EXD3: variants seen among roughly 807,000 people sequenced by gnomAD.
The protein encoded by EXD3 is exonuclease mut-7 homolog.
In EXD3, 92 loss-of-function variants were observed where a neutral mutation model predicts 98.0. That is an observed-to-expected ratio of 0.94 (90% CI 0.79 to 1.12). The LOEUF is 1.12. Among genes scored for constraint, EXD3 ranks in the 50% most tolerant of loss-of-function variants. The pLI, the probability that EXD3 is intolerant of heterozygous loss-of-function variation, is 0.00. For synonymous variants in EXD3, 569 were observed against 526.0 expected (o/e 1.08, Z -1.12); for missense variants, 1,222 against 1,191.6 (o/e 1.03, Z -0.38).
intron 1 of EXD3, among the ~76,000 whole-genome samples, chr9:137,408,588 G>A (rs1837851017): frequency 7.2e-6 from 1 of 139,328 alleles, no homozygotes; most frequent in African/African-American, 2.7e-5. Context: ...GGAGACAGCA[G>A]CCCCTACGGC....
At chr9:137,416,560 C>A (rs970722100) in intron 1 of EXD3, among the ~76,000 whole-genome samples, 1 of 152,068 alleles carries the variant, frequency 6.6e-6, no homozygotes, top group Non-Finnish European at 1.5e-5. Context: ...TCCGGACCCT[C>A]GTCAGCCCGG....
chr9:137,350,243 A>G (rs11516121), intron 14 of EXD3, among the ~76,000 whole-genome samples: 129 of 10,300 alleles, frequency 0.013, no homozygotes, highest in African/African-American at 0.022. Flanking sequence ...ATAGAGAGGG[A>G]TGGGGATCAC....
At chr9:137,311,661 T>G (rs112434079) in intron 19 of EXD3, among the ~76,000 whole-genome samples, 56 of 152,226 alleles carry the variant, frequency 3.7e-4, no homozygotes, top group African/African-American at 1.2e-3. Flanking sequence ...GGCCTTGCTG[T>G]CACCCACAAG....
In EXD3 at chr9:137,356,279, C is replaced by A; in HGVS notation, c.746G>T (p.Gly249Val). The change falls in exon 8 of 22, where the codon GGC (glycine) becomes GTC (valine). Residue 249 changes from glycine (G) to valine (V), a missense_variant. Gly to Val is a moderately radical substitution (Grantham distance 109). Coordinates refer to ENST00000340951, the MANE Select transcript of EXD3 (RefSeq NM_017820.5). ...GGGGCTGGACTCACCTGGGGCTACG[C>A]CGTACCGCTCCTGCAGACGCAAGAC... ...RQVLRLQERY[G>V]VAPALCPNAA... The A allele has an allele frequency of 6.2e-7, 1 of 1,600,242 alleles. No individual in the cohort carries two copies. The highest frequency in any genetic ancestry group is 1.1e-5 in the South Asian group (1 of 88,856).
Position 137,395,525 on chromosome 9 carries a change from A to C in EXD3, c.-47-121T>G. ...TGGTGCCTGGGGGGGCCCAAGTGGGACCCCCAGTCGCTGAGCATAGCGGGC... is the reference window on the plus strand; with the variant it reads ...TGGTGCCTGGGGGGGCCCAAGTGGGCCCCCCAGTCGCTGAGCATAGCGGGC... On this transcript the variant is annotated intron_variant, in intron 1 of 21. Coordinates refer to ENST00000340951, the MANE Select transcript of EXD3 (RefSeq NM_017820.5). This position sits in a 1 kb window ranked among gnomAD's most constrained non-coding sequence, Gnocchi z 6.5. The C allele has an allele frequency of 1.1e-6, 1 of 887,008 alleles. No homozygotes were observed. The highest frequency in any genetic ancestry group is 1.7e-6 in the Non-Finnish European group (1 of 582,314). 54.9% of individuals were successfully genotyped at this position (887,008 alleles called of 1,614,324 possible).
intron 1 of EXD3, among the ~76,000 whole-genome samples, chr9:137,408,525 C>A (rs1326510342): frequency 2.0e-5 from 2 of 100,360 alleles, no homozygotes; most frequent in Non-Finnish European, 3.9e-5. Flanking sequence ...CCAGCCTGGG[C>A]GATAGAGTGA....
rs1178049420 is a variant in EXD3 at position 137,405,657 on chromosome 9, T to C, written c.-47-10253A>G. ...CCACCATTTCTCTCTATTGTTGGTTTCCTCCCTGGATCTTCTGCTGAAAGC... is the reference window on the plus strand; with the variant it reads ...CCACCATTTCTCTCTATTGTTGGTTCCCTCCCTGGATCTTCTGCTGAAAGC... On this transcript the variant is annotated intron_variant, in intron 1 of 21. Coordinates refer to ENST00000340951, the MANE Select transcript of EXD3 (RefSeq NM_017820.5). This position sits in a 1 kb window ranked among gnomAD's most constrained non-coding sequence, Gnocchi z 4.1. Among the ~76,000 whole-genome samples, 1 of 152,242 alleles carries C rather than the reference T, an allele frequency of 6.6e-6. No individual in the cohort carries two copies. The highest frequency in any genetic ancestry group is 1.5e-5 in the Non-Finnish European group (1 of 68,048).
At chr9:137,318,437 C>G (rs1194461019) in intron 19 of EXD3, among the ~76,000 whole-genome samples, 3 of 152,118 alleles carry the variant, frequency 2.0e-5, no homozygotes, top group Non-Finnish European at 4.4e-5. Context: ...TGTTTCAGGA[C>G]GTGTCCCCGT....
chr9:137,355,583 A>G (rs1834662560), intron 8 of EXD3, among the ~76,000 whole-genome samples: 1 of 64,688 alleles, frequency 1.5e-5, no homozygotes, highest in African/African-American at 7.6e-5. Context: ...AGGAAGGAGG[A>G]AGGAGAAAGG....
chr9:137,307,181 C>T lies in EXD3; in HGVS notation c.2400G>A (p.Glu800=). The change falls in exon 22 of 22, where the codon GAG becomes GAA. Residue 800 remains glutamate (E), a synonymous_variant. Coordinates refer to ENST00000340951, the MANE Select transcript of EXD3 (RefSeq NM_017820.5). ...TGCCGTCGGCCAGCATGTCCGGTGT[C>T]TCCGCCCGCAGGTCAGCCATCTGCA... ...RWLQMADLRA[E]TPDMLADGTR... is the part of the protein sequence containing the mutation. 22 of 1,585,748 alleles carry T rather than the reference C, an allele frequency of 1.4e-5. No homozygotes were observed. The highest frequency in any genetic ancestry group is 1.9e-5 in the Non-Finnish European group (22 of 1,167,392).
chr9:137,307,001 G>T lies in EXD3; in HGVS notation c.2580C>A (p.Pro860=). 6.2e-7 allele frequency: 1 copy of T among 1,610,430 alleles called. No homozygotes were observed. Among genetic ancestry groups the T allele is most frequent in the Non-Finnish European group, 8.5e-7 (1 of 1,178,568 alleles). Residue 860 remains proline, a synonymous_variant, in exon 22 of 22, where the codon CCC becomes CCA. Coordinates refer to ENST00000340951, the MANE Select transcript of EXD3 (RefSeq NM_017820.5). ...THFRDMLESA[P]SPCEPSPAPS... is the part of the protein sequence containing the mutation. ...GGGCTGGGCTCGGCTCGCAGGGGCTGGGGGCGCTCTCCAGCATGTCTCGGA... is the reference window on the plus strand; with the variant it reads ...GGGCTGGGCTCGGCTCGCAGGGGCTTGGGGCGCTCTCCAGCATGTCTCGGA...
intron 19 of EXD3, among the ~76,000 whole-genome samples, chr9:137,321,152 C>T (rs1018310193): frequency 2.4e-4 from 36 of 152,272 alleles, no homozygotes; most frequent in African/African-American, 8.2e-4. Context: ...AGCTTTCCCT[C>T]TTTCCTTCCT....
In EXD3 at chr9:137,356,371, G is replaced by T; in HGVS notation, c.657-3C>A. ...AGGAGGTCACCTCAGGGTACCGTCT[G>T]TGGGGAGAGAGAGGCACAGCCTCTG... On this transcript the variant is annotated splice_polypyrimidine_tract_variant and splice_region_variant and intron_variant, in intron 7 of 21. Transcript: ENST00000340951. 3.8e-6 allele frequency: 6 copies of T among 1,573,504 alleles called. No homozygotes were observed. The highest frequency in any genetic ancestry group is 1.1e-5 in the South Asian group (1 of 87,080).
At chr9:137,389,259 T>C (rs1189878622) in intron 2 of EXD3, among the ~76,000 whole-genome samples, 1 of 151,414 alleles carries the variant, frequency 6.6e-6, no homozygotes, top group Non-Finnish European at 1.5e-5. Flanking sequence ...GCCCTCCACC[T>C]CGGCTCGCCG....
chr9:137,312,135 G>A (rs1040610055), intron 19 of EXD3, among the ~76,000 whole-genome samples: 1 of 152,184 alleles, frequency 6.6e-6, no homozygotes, highest in Non-Finnish European at 1.5e-5. Flanking sequence ...CGTCGGGTCT[G>A]GGCAGAGACA....
chr9:137,420,907 T>C (rs1185175229), intron 1 of EXD3, among the ~76,000 whole-genome samples: 1 of 152,172 alleles, frequency 6.6e-6, no homozygotes, highest in African/African-American at 2.4e-5. Context: ...CTCAATCTCC[T>C]GGACTCAAGC....
chr9:137,419,311 C>T (rs1473189802), intron 1 of EXD3, among the ~76,000 whole-genome samples: 1 of 152,232 alleles, frequency 6.6e-6, no homozygotes, highest in African/African-American at 2.4e-5. Context: ...CGCGTCTTCA[C>T]CCATGGCTAC....
intron 1 of EXD3, among the ~76,000 whole-genome samples, chr9:137,418,113 G>C (rs548656297): frequency 6.6e-6 from 1 of 152,296 alleles, no homozygotes; most frequent in Admixed American, 6.5e-5. Context: ...TTGGGAGGCC[G>C]AGGCGGGCGG....
rs973945880 is a variant in EXD3, at chr9:137,393,212, G to T, written c.55+2091C>A. The T allele has an allele frequency of 2.8e-6, 2 of 702,634 alleles. No individual in the cohort carries two copies. Among genetic ancestry groups the T allele is most frequent in the Non-Finnish European group, 5.2e-6 (2 of 384,928 alleles). 43.5% of individuals were successfully genotyped at this position (702,634 alleles called of 1,614,324 possible). ...CATCCCACTCTGCTTAGGTGGAGAA[G>T]AGGCTGTAGAAGCCTGTGGGTGCCT... On this transcript the variant is annotated intron_variant, in intron 2 of 21. Coordinates refer to ENST00000340951, the MANE Select transcript of EXD3 (RefSeq NM_017820.5). This position sits in a 1 kb window ranked among gnomAD's most constrained non-coding sequence, Gnocchi z 4.6.
Sources: gnomAD v4.1 joint callset for allele counts (sites outside exome capture counted in the v4.1 genomes callset) on GRCh38, gnomAD v4.1.1 for gene constraint, Gnocchi (gnomAD v3.1) non-coding constraint, MANE v1.5 for transcripts, NCBI Gene and HGNC (gene_info 2026-07-23, HGNC 2026-07-21) for gene names.